Variants in PCDH11X observed in about 807,000 individuals in gnomAD.
PCDH11X encodes protocadherin 11 X-linked.
In PCDH11X, 18 loss-of-function variants were observed where a neutral mutation model predicts 53.3. That is an observed-to-expected ratio of 0.34 (90% CI 0.23 to 0.50). The LOEUF is 0.50. PCDH11X is among the 20% of genes least tolerant of loss of function. The pLI is 0.98. For missense variants in PCDH11X, 570 were observed against 1,032.4 expected (o/e 0.55, Z 6.14); for synonymous variants, 279 against 393.3 (o/e 0.71, Z 3.44).
intron 8 of PCDH11X, among the ~76,000 whole-genome samples, chrX:92,335,925 A>G (rs2069606774): frequency 9.0e-6 from 1 of 111,668 alleles, no homozygotes; most frequent in Non-Finnish European, 1.9e-5. Context: ...GTTTTGCAGT[A>G]ATTGATCTAC....
chrX:92,484,086 CTGTG>C (rs370267882), intron 10 of PCDH11X, among the ~76,000 whole-genome samples: 22 of 77,914 alleles, frequency 2.8e-4, no homozygotes, highest in African/African-American at 6.8e-4. Flanking sequence ...AAGAAAATCT[CTGTG>C]TGTGTGTGTG....
chrX:92,382,535 C>T (rs1422048688), intron 8 of PCDH11X, among the ~76,000 whole-genome samples: 2 of 110,825 alleles, frequency 1.8e-5, no homozygotes, highest in Non-Finnish European at 3.8e-5. Context: ...GAAATGATGC[C>T]TTCATGAGGT....
intron 10 of PCDH11X, among the ~76,000 whole-genome samples, chrX:92,581,590 A>T (rs1188404843): frequency 1.8e-5 from 2 of 111,830 alleles, no homozygotes; most frequent in Non-Finnish European, 3.8e-5. Flanking sequence ...TTCTTTATAA[A>T]TTACCCAGTC....
In PCDH11X at chrX:91,850,368, T is replaced by TGTC. The variant is rs4023964; in HGVS notation, c.540+14324_540+14325insGTC. Among the ~76,000 whole-genome samples the TGTC allele has an allele frequency of 6.7e-4, 74 of 111,138 alleles. 1 individual carries two copies. In the South Asian group the frequency reaches 0.017, roughly 26 times the overall value. ...GATTTTCTTGGTAGCCTTGCATACA[T>TGTC]TTTAAACCATTTTTCTTACAATTAG... On this transcript the variant is annotated intron_variant, in intron 5 of 10. Coordinates refer to ENST00000682573, the MANE Select transcript of PCDH11X (RefSeq NM_032968.5).
chrX:92,259,321 G>C (rs936158433), intron 7 of PCDH11X, among the ~76,000 whole-genome samples: 7 of 111,259 alleles, frequency 6.3e-5, no homozygotes, highest in African/African-American at 2.3e-4. Flanking sequence ...AAGAAAAAAG[G>C]TTTAACTGGC....
At chrX:92,310,620 C>T (rs1037453034) in intron 8 of PCDH11X, among the ~76,000 whole-genome samples, 3 of 109,955 alleles carry the variant, frequency 2.7e-5, no homozygotes, top group African/African-American at 9.9e-5. Flanking sequence ...AACTCCTGAC[C>T]TCAAGTGATC....
At chrX:91,826,415 G>T (rs865924963) in intron 4 of PCDH11X, among the ~76,000 whole-genome samples, 3 of 107,653 alleles carry the variant, frequency 2.8e-5, no homozygotes, top group Non-Finnish European at 5.7e-5. Flanking sequence ...ACTTATAAAT[G>T]CAAATTCCAT....
intron 4 of PCDH11X, among the ~76,000 whole-genome samples, chrX:91,825,775 C>G (rs1416915531): frequency 9.3e-6 from 1 of 106,985 alleles, no homozygotes; most frequent in Non-Finnish European, 1.9e-5. Flanking sequence ...AATATAATGT[C>G]TTAAAATTGT....
intron 6 of PCDH11X, among the ~76,000 whole-genome samples, chrX:92,029,905 A>G (rs1029035702): frequency 1.8e-5 from 2 of 112,269 alleles, no homozygotes; most frequent in African/African-American, 6.5e-5. Context: ...GATATTAGAA[A>G]TTCAGGCCAA....
intron 6 of PCDH11X, among the ~76,000 whole-genome samples, chrX:92,160,028 A>C (rs2065611324): frequency 9.0e-6 from 1 of 111,028 alleles, no homozygotes; most frequent in Non-Finnish European, 1.9e-5. Flanking sequence ...GGCCTAGTGC[A>C]GGAGCTCAGC....
At chrX:91,927,618 T>G (rs750916097) in intron 6 of PCDH11X, among the ~76,000 whole-genome samples, 39 of 111,859 alleles carry the variant, frequency 3.5e-4, no homozygotes, top group Non-Finnish European at 6.2e-4. Flanking sequence ...TAGAAGAGCT[T>G]TCATGTCCAA....
At position 92,375,166 on chromosome X, in the gene PCDH11X, A is replaced by ATATATATATATATTT. The variant is rs1302181048; in HGVS notation, c.3145-12568_3145-12567insATATATATATATTTT. The stretch of plus-strand genomic sequence containing the variant: ...TTTATATATATATATATATATATAT[A>ATATATATATATATTT]TTTTTTTTTTTTTTTTTTTTTTTTT... On this transcript the variant is annotated intron_variant, in intron 8 of 10. Transcript: ENST00000682573. Among the ~76,000 whole-genome samples, 27 of 8,264 alleles carry ATATATATATATATTT rather than the reference A, an allele frequency of 3.3e-3. 1 individual carries two copies. The highest frequency in any genetic ancestry group is 4.3e-3 in the Admixed American group (2 of 464). 7.2% of individuals were successfully genotyped at this position (8,264 alleles called of 115,157 possible).
chrX:92,381,975 A>C (rs1316632676), intron 8 of PCDH11X, among the ~76,000 whole-genome samples: 1 of 111,104 alleles, frequency 9.0e-6, no homozygotes, highest in African/African-American at 3.3e-5. Flanking sequence ...TGGAGTAAGT[A>C]GTTTAGGTTT....
intron 6 of PCDH11X, among the ~76,000 whole-genome samples, chrX:92,121,718 C>CCTTA (rs2064767801): frequency 2.8e-5 from 3 of 107,617 alleles, no homozygotes; most frequent in African/African-American, 1.0e-4. Context: ...ATTGATTTTA[C>CCTTA]TTTATTTATT....
intron 8 of PCDH11X, 85 bp from the exon 9 acceptor site, chrX:92,387,650 C>T (rs768864392): frequency 1.3e-5 from 16 of 1,207,582 alleles, no homozygotes; most frequent in East Asian, 5.9e-5. Flanking sequence ...ACCAGATAGC[C>T]GAAATAATGC....
At chrX:92,580,783 G>A (rs914750820) in intron 10 of PCDH11X, among the ~76,000 whole-genome samples, 55 of 111,723 alleles carry the variant, frequency 4.9e-4, no homozygotes, top group Non-Finnish European at 9.4e-4. Context: ...CCTGATCAGC[G>A]GGTTGCATAG....
chrX:92,411,262 G>A (rs1476992978), intron 9 of PCDH11X, among the ~76,000 whole-genome samples: 3 of 110,918 alleles, frequency 2.7e-5, no homozygotes, highest in South Asian at 7.7e-4. Context: ...CTATGTTATT[G>A]TACTTTTAAA....
At chrX:92,370,977 T>C (rs1438342205) in intron 8 of PCDH11X, among the ~76,000 whole-genome samples, 1 of 112,144 alleles carries the variant, frequency 8.9e-6, no homozygotes, top group Non-Finnish European at 1.9e-5. Flanking sequence ...TTGTCTCTTG[T>C]AACGTTTTTT....
At chrX:91,914,570 C>A (rs1214641348) in intron 6 of PCDH11X, among the ~76,000 whole-genome samples, 1 of 111,221 alleles carries the variant, frequency 9.0e-6, no homozygotes, top group Non-Finnish European at 1.9e-5. Context: ...ATTACAACTT[C>A]TGGAAATGAA....
Sources: gnomAD v4.1 joint callset for allele counts (sites outside exome capture counted in the v4.1 genomes callset) on GRCh38, gnomAD v4.1.1 for gene constraint, MANE v1.5 for transcripts, NCBI Gene and HGNC (gene_info 2026-07-23, HGNC 2026-07-21) for gene names.